The following CFAP410 variants were observed in gnomAD, a reference collection of about 807,000 sequenced individuals.
The protein encoded by CFAP410 is cilia- and flagella-associated protein 410.
CFAP410 carries 27 observed loss-of-function variants against 25.7 expected under a neutral mutation model. That is an observed-to-expected ratio of 1.05 (90% CI 0.77 to 1.45). CFAP410 has a LOEUF of 1.45. Among genes scored for constraint, CFAP410 ranks in the 40% most tolerant of loss-of-function variants. The pLI is 0.00. For synonymous variants in CFAP410, 178 were observed against 158.4 expected (o/e 1.12, Z -0.93); for missense variants, 428 against 354.1 (o/e 1.21, Z -1.67).
chr21:44,330,822 C>T lies in CFAP410; in HGVS notation c.642+1G>A. 1 of 1,599,512 alleles carries T rather than the reference C, an allele frequency of 6.3e-7. No homozygotes were observed. Among genetic ancestry groups the T allele is most frequent in the South Asian group, 1.1e-5 (1 of 88,954 alleles). ...GCGGCCCCTAGCGGCCCGCCACTCACCCTGCCCCTGTGGCTGCTCGAGGCA... is the reference window on the plus strand; with the variant it reads ...GCGGCCCCTAGCGGCCCGCCACTCATCCTGCCCCTGTGGCTGCTCGAGGCA... On this transcript the variant is annotated splice_donor_variant, in intron 6 of 6. Transcript: ENST00000339818. LOFTEE classifies it high-confidence loss of function.
intron 3 of CFAP410, 36 bp from the exon 4 acceptor site, chr21:44,333,298 GCCAGGGCCC>G: frequency 1.3e-6 from 2 of 1,549,684 alleles, no homozygotes; most frequent in Middle Eastern, 1.8e-4. Context: ...GAGGGACGTG[GCCAGGGCCC>G]CCAGGGCCAC....
At position 44,333,276 on chromosome 21, in the gene CFAP410, A is replaced by G; in HGVS notation, c.144-14T>C. The G allele has an allele frequency of 1.3e-6, 2 of 1,597,164 alleles. No individual in the cohort carries two copies. The highest frequency in any genetic ancestry group is 1.7e-6 in the Non-Finnish European group (2 of 1,170,630). ...ATGCTGTTGACACTGCACGGAGACC[A>G]GCACAGTCAGCGAGGGACGTGGCCA... On this transcript the variant is annotated splice_polypyrimidine_tract_variant and intron_variant, in intron 3 of 6. Transcript: ENST00000339818.
chr21:44,330,524 TC>T, intron 6 of CFAP410, 198 bp from the exon 7 acceptor site: 1 of 1,547,994 alleles, frequency 6.5e-7, no homozygotes, highest in Non-Finnish European at 8.7e-7. Flanking sequence ...TGGCACCTCT[TC>T]CACGTGACTC....
Position 44,330,243 on chromosome 21 carries a change from C to G in CFAP410, c.726G>C (p.Arg242=), listed in dbSNP as rs1351327725. ...LEAVQQTVGS[R]LQALRGEEVQ... ...CCTCTTCCCCACGCAGGGCCTGCAG[C>G]CGGCTGCCCACAGTCTGCTGCACGG... The change falls in exon 7 of 7, where the codon CGG becomes CGC. Residue 242 remains arginine, a synonymous_variant. Coordinates refer to ENST00000339818, the MANE Select transcript of CFAP410 (RefSeq NM_004928.3). 6.3e-7 allele frequency: 1 copy of G among 1,593,786 alleles called. No homozygotes were observed.
At chr21:44,335,613 C>T (rs1427972207) in intron 3 of CFAP410, 145 bp downstream of exon 3, 6 of 670,760 alleles carry the variant, frequency 8.9e-6, no homozygotes, top group Admixed American at 2.5e-5. Flanking sequence ...TCTCGCTGTC[C>T]CGGCCCCTCC....
Position 44,333,145 on chromosome 21 carries a change from C to T in CFAP410, c.261G>A (p.Pro87=), listed in dbSNP as rs1602079872. Residue 87 remains proline (P), a synonymous_variant, in exon 4 of 7, where the codon CCG becomes CCA. Coordinates refer to ENST00000339818, the MANE Select transcript of CFAP410 (RefSeq NM_004928.3). ...CGGCCAGCCACAGCACCCGCAGACGCGGCAGCCCCTTCAGGTAGAAGAGCT... is the reference window on the plus strand; with the variant it reads ...CGGCCAGCCACAGCACCCGCAGACGTGGCAGCCCCTTCAGGTAGAAGAGCT... ...LAELFYLKGL[P]RLRVLWLAEN... is the part of the protein sequence containing the mutation. 9 of 1,612,188 alleles carry T rather than the reference C, an allele frequency of 5.6e-6. No individual in the cohort carries two copies. Among genetic ancestry groups the T allele is most frequent in the Non-Finnish European group, 7.6e-6 (9 of 1,179,726 alleles).
chr21:44,338,601 T>C (rs1405621342), intron 1 of CFAP410: 1 of 203,612 alleles, frequency 4.9e-6, no homozygotes, highest in African/African-American at 2.4e-5. Context: ...CAGTGACTGC[T>C]GGCAACCCCA....
chr21:44,333,246 T>C lies in CFAP410; in HGVS notation c.160A>G (p.Thr54Ala). The C allele has an allele frequency of 6.2e-7, 1 of 1,611,572 alleles. No homozygotes were observed. The highest frequency in any genetic ancestry group is 1.7e-4 in the Middle Eastern group (1 of 6,050). Residue 54 changes from threonine (T) to alanine (A), a missense_variant, in exon 4 of 7, where the codon ACC becomes GCC. Coordinates refer to ENST00000339818, the MANE Select transcript of CFAP410 (RefSeq NM_004928.3). ...VITLSVNSISTLEPVSRCQRL... is the reference protein window; with the variant it reads ...VITLSVNSISALEPVSRCQRL... ...TGGCACCGGCTCACAGGCTCCAGGG[T>C]GGAGATGCTGTTGACACTGCACGGA... is the stretch of plus-strand genomic sequence containing the variant.
Position 44,330,080 on chromosome 21 carries a change from C to G in CFAP410, c.*118G>C. The G allele has an allele frequency of 8.1e-7, 1 of 1,231,592 alleles. No homozygotes were observed. The highest frequency in any genetic ancestry group is 2.6e-5 in the East Asian group (1 of 38,994). 76.3% of individuals were successfully genotyped at this position (1,231,592 alleles called of 1,614,324 possible). A position where few individuals can be genotyped will look rare whatever the true frequency, so the allele number is the denominator to read the frequency against. On this transcript the variant is annotated 3_prime_UTR_variant, in exon 7 of 7. Transcript: ENST00000339818. Reference sequence around the variant, plus strand: ...CCTGCCCTCGGCCGATGTGGCAAACCGGGGAGGCTTTTGTGTGGGGCCGGG... The same window carrying G: ...CCTGCCCTCGGCCGATGTGGCAAACGGGGGAGGCTTTTGTGTGGGGCCGGG...
intron 3 of CFAP410, chr21:44,333,556 T>G (rs567227749): frequency 1.6e-4 from 85 of 521,018 alleles, no homozygotes; most frequent in Non-Finnish European, 3.4e-5. Flanking sequence ...AGGTGGGGGA[T>G]GTGGCCCTCC....
Position 44,333,169 on chromosome 21 carries a change from C to T in CFAP410, c.237G>A (p.Glu79=), listed in dbSNP as rs780027455. The change falls in exon 4 of 7, where the codon GAG becomes GAA. Residue 79 remains glutamate, a synonymous_variant. Transcript: ENST00000339818. ...GCGGCAGCCCCTTCAGGTAGAAGAG[C>T]TCAGCCAGGCTGGGGATGCGGTTCC... The part of the protein sequence containing the change: ...LRRNRIPSLA[E]LFYLKGLPRL... The T allele has an allele frequency of 3.7e-6, 6 of 1,612,808 alleles. No individual in the cohort carries two copies. The Admixed American group carries it at 1.0e-4, about 27-fold the overall frequency.
At chr21:44,337,789 C>T in intron 1 of CFAP410, 122 bp from the exon 2 acceptor site, 1 of 780,102 alleles carries the variant, frequency 1.3e-6, no homozygotes, top group Non-Finnish European at 2.1e-6. Context: ...ATTTTAATGG[C>T]ATGGCAAAAA....
In CFAP410 at chr21:44,339,219, G is replaced by C; in HGVS notation, c.-25C>G. ...TGGCGGCCGCCCAGGCCCGACCGGCGGGCGCCCCCGGCCTCCTGATCCCGG... is the reference window on the plus strand; with the variant it reads ...TGGCGGCCGCCCAGGCCCGACCGGCCGGCGCCCCCGGCCTCCTGATCCCGG... On this transcript the variant is annotated 5_prime_UTR_variant, in exon 1 of 7. Transcript: ENST00000339818. The C allele has an allele frequency of 1.4e-6, 2 of 1,407,828 alleles. No individual in the cohort carries two copies. The highest frequency in any genetic ancestry group is 1.9e-6 in the Non-Finnish European group (2 of 1,071,428). 87.2% of individuals were successfully genotyped at this position (1,407,828 alleles called of 1,614,324 possible).
chr21:44,330,992 G>C, intron 5 of CFAP410, 73 bp from the exon 6 acceptor site: 1 of 1,337,486 alleles, frequency 7.5e-7, no homozygotes, highest in African/African-American at 1.5e-5. Flanking sequence ...AACCCTGTCT[G>C]CGGGTCGCAT....
At chr21:44,338,595 G>C (rs1053332676) in intron 1 of CFAP410, 7 of 204,154 alleles carry the variant, frequency 3.4e-5, no homozygotes, top group South Asian at 3.2e-4. Flanking sequence ...TGGTCCCAGT[G>C]ACTGCTGGCA....
At chr21:44,335,961 A>T (rs957782859) in intron 2 of CFAP410, 157 bp from the exon 3 acceptor site, 1 of 604,902 alleles carries the variant, frequency 1.7e-6, no homozygotes, top group Admixed American at 2.8e-5. Flanking sequence ...GTGAATGCCC[A>T]GGGCCTGAGG....
At chr21:44,334,765 C>T (rs1602084274) in intron 3 of CFAP410, 1 of 195,292 alleles carries the variant, frequency 5.1e-6, no homozygotes, top group East Asian at 1.5e-4. Flanking sequence ...CAGCAAGGCT[C>T]GGGCAGGACA....
intron 3 of CFAP410, chr21:44,334,492 C>A (rs2047713172): frequency 2.9e-6 from 1 of 346,774 alleles, no homozygotes; most frequent in African/African-American, 2.3e-5. Flanking sequence ...GCGCACCCCC[C>A]CTCAACCTCT....
intron 3 of CFAP410, 118 bp from the exon 4 acceptor site, chr21:44,333,380 A>T: frequency 1.3e-6 from 1 of 783,652 alleles, no homozygotes; most frequent in Non-Finnish European, 2.1e-6. Flanking sequence ...CTCTCCTGAG[A>T]AGCCTAAATC....
Sources: gnomAD v4.1 joint callset for allele counts on GRCh38, gnomAD v4.1.1 for gene constraint, MANE v1.5 for transcripts, NCBI Gene and HGNC (gene_info 2026-07-23, HGNC 2026-07-21) for gene names.